Variants in MECOM observed in about 807,000 individuals in gnomAD.
The protein encoded by MECOM is histone-lysine N-methyltransferase MECOM.
MECOM carries 13 observed loss-of-function variants against 116.3 expected under a neutral mutation model. That is an observed-to-expected ratio of 0.11 (90% CI 0.07 to 0.18). MECOM has a LOEUF of 0.18. MECOM is among the 10% of genes least tolerant of loss of function. MECOM has a pLI of 1.00. For missense variants in MECOM, 1,299 were observed against 1,509.0 expected, an observed-to-expected ratio of 0.86 and a Z score of 2.31; for synonymous variants, 528 against 535.2, an observed-to-expected ratio of 0.99 and a Z score of 0.19.
At chr3:169,444,712 A>G (rs1744313358) in intron 1 of MECOM, among the ~76,000 whole-genome samples, 1 of 152,182 alleles carries the variant, frequency 6.6e-6, no homozygotes, top group Non-Finnish European at 1.5e-5. Flanking sequence ...ACTGGGTAAC[A>G]GGCAGAGATT....
chr3:169,255,363 G>T (rs1328836554), intron 2 of MECOM, among the ~76,000 whole-genome samples: 1 of 152,052 alleles, frequency 6.6e-6, no homozygotes, highest in Non-Finnish European at 1.5e-5. Context: ...ACAAAACCTG[G>T]AGACTTCATT....
chr3:169,422,754 A>G (rs1334003056), intron 1 of MECOM, among the ~76,000 whole-genome samples: 2 of 152,148 alleles, frequency 1.3e-5, no homozygotes. Flanking sequence ...TGAAAATTTT[A>G]TGGACTTCAT....
intron 2 of MECOM, among the ~76,000 whole-genome samples, chr3:169,234,199 A>G (rs1420832072): frequency 6.6e-6 from 1 of 152,110 alleles, no homozygotes; most frequent in Non-Finnish European, 1.5e-5. Context: ...AAAGGCTGAA[A>G]AGGTGAGTTT....
intron 2 of MECOM, among the ~76,000 whole-genome samples, chr3:169,171,964 AT>A (rs1744473227): frequency 6.6e-6 from 1 of 152,154 alleles, no homozygotes; most frequent in African/African-American, 2.4e-5. Context: ...TTAAACCAAC[AT>A]TCAATGGGTT....
intron 1 of MECOM, among the ~76,000 whole-genome samples, chr3:169,441,728 C>CTGTTTTTTTTTTTTTTTTTTTTTTTTT (rs1743717998): frequency 8.1e-6 from 1 of 123,458 alleles, no homozygotes. Flanking sequence ...TTCTTCTCTT[C>CTGTTTTTTTTTTTTTTTTTTTTTTTTT]TTTTTTTTTT....
chr3:169,290,910 A>G (rs61511259), intron 2 of MECOM, among the ~76,000 whole-genome samples: 7,584 of 152,072 alleles, frequency 0.05, 481 homozygotes, highest in East Asian at 0.29. Flanking sequence ...AAAAATTGCA[A>G]TTTTTAGAAT....
chr3:169,511,159 A>G (rs1755912218), intron 1 of MECOM, among the ~76,000 whole-genome samples: 1 of 152,228 alleles, frequency 6.6e-6, no homozygotes, highest in Non-Finnish European at 1.5e-5. Context: ...TTCATTTTAT[A>G]TGCTGAATTT....
intron 2 of MECOM, among the ~76,000 whole-genome samples, chr3:169,284,611 A>G (rs867098557): frequency 2.0e-5 from 3 of 152,056 alleles, no homozygotes; most frequent in Admixed American, 6.6e-5. Context: ...GTGTATATAC[A>G]AATGTATAGA....
intron 2 of MECOM, among the ~76,000 whole-genome samples, chr3:169,158,080 C>T (rs1305370620): frequency 1.3e-5 from 2 of 152,158 alleles, no homozygotes; most frequent in African/African-American, 4.8e-5. Context: ...CACATCCATT[C>T]TACAAGAGCT....
intron 2 of MECOM, among the ~76,000 whole-genome samples, chr3:169,240,863 C>T (rs1385557826): frequency 6.6e-6 from 1 of 152,306 alleles, no homozygotes; most frequent in South Asian, 2.1e-4. Flanking sequence ...CTACTGTACA[C>T]TTAGCTAATG....
chr3:169,461,530 A>G (rs945333765), intron 1 of MECOM, among the ~76,000 whole-genome samples: 1 of 152,196 alleles, frequency 6.6e-6, no homozygotes, highest in Admixed American at 6.6e-5. Context: ...AAGGTCATTT[A>G]GCCAATAAAT....
intron 1 of MECOM, among the ~76,000 whole-genome samples, chr3:169,429,379 C>T (rs558967089): frequency 2.0e-5 from 3 of 152,286 alleles, no homozygotes; most frequent in Non-Finnish European, 4.4e-5. Flanking sequence ...GAATAGATTA[C>T]ATTGACTCAG....
chr3:169,123,526 A>G (rs184746647), intron 5 of MECOM, among the ~76,000 whole-genome samples: 1 of 152,194 alleles, frequency 6.6e-6, no homozygotes, highest in Non-Finnish European at 1.5e-5. Flanking sequence ...TAAAATTTGT[A>G]TATGAAATCT....
intron 1 of MECOM, among the ~76,000 whole-genome samples, chr3:169,594,390 C>T (rs1263591722): frequency 6.6e-6 from 1 of 151,818 alleles, no homozygotes; most frequent in African/African-American, 2.4e-5. Flanking sequence ...AAGCAGTGGC[C>T]CTCACAATGT....
intron 12 of MECOM, among the ~76,000 whole-genome samples, chr3:169,098,528 G>A (rs1396312642): frequency 6.6e-6 from 1 of 152,094 alleles, no homozygotes; most frequent in Non-Finnish European, 1.5e-5. Flanking sequence ...CTAACTTCTG[G>A]CATTGTTAAC....
At chr3:169,499,634 G>GATGCGGGGAAAAAAAAAAGAATGGT in intron 1 of MECOM, among the ~76,000 whole-genome samples, 1 of 151,822 alleles carries the variant, frequency 6.6e-6, no homozygotes, top group African/African-American at 2.4e-5. Context: ...AAAAGAATGG[G>GATGCGGGGAAAAAAAAAAGAATGGT]ATGCAAGGAA....
chr3:169,586,324 A>T (rs1266978395), intron 1 of MECOM, among the ~76,000 whole-genome samples: 2 of 152,228 alleles, frequency 1.3e-5, no homozygotes, highest in African/African-American at 2.4e-5. Context: ...CCATACCTTT[A>T]TATTTTAAGC....
At position 169,401,344 on chromosome 3, in the gene MECOM, T is replaced by C. The variant is rs71306633; in HGVS notation, c.38-19820A>G. On this transcript the variant is annotated intron_variant, in intron 1 of 16. Coordinates refer to ENST00000651503, the MANE Select transcript of MECOM (RefSeq NM_004991.4). Reference sequence around the variant, plus strand: ...CCCACCCCTGACCCACTTAGCATTGTTTCTCTGGGCTAAGGTAAAATCATC... The same window carrying C: ...CCCACCCCTGACCCACTTAGCATTGCTTCTCTGGGCTAAGGTAAAATCATC... Among the ~76,000 whole-genome samples the C allele has an allele frequency of 5.6e-3, 848 of 152,008 alleles. 6 individuals carry two copies. The highest frequency in any genetic ancestry group is 0.019 in the African/African-American group (801 of 41,434).
At chr3:169,334,612 G>A (rs151031718) in intron 2 of MECOM, among the ~76,000 whole-genome samples, 2 of 152,288 alleles carry the variant, frequency 1.3e-5, no homozygotes, top group Non-Finnish European at 2.9e-5. Flanking sequence ...TGAGGTCAGA[G>A]AGGATGCTGA....
Sources: allele counts gnomAD v4.1 joint callset (sites outside exome capture counted in the v4.1 genomes callset), GRCh38; gene constraint gnomAD v4.1.1; transcripts MANE v1.5; gene names NCBI Gene and HGNC (gene_info 2026-07-23, HGNC 2026-07-21).